The following THBS1 variants were observed in gnomAD, a reference collection of about 807,000 sequenced individuals.
The protein encoded by THBS1 is thrombospondin 1.
A neutral mutation model predicts 126.1 loss-of-function variants in THBS1; 29 were observed. The observed-to-expected ratio is 0.23, with a 90% confidence interval of 0.17 to 0.31. The LOEUF is 0.31. THBS1 is among the 10% of genes least tolerant of loss of function. The probability of loss-of-function intolerance (pLI) is 1.00; values close to 1 mark genes in which losing one functional copy is unlikely to be tolerated. For synonymous variants in THBS1, 496 were observed against 577.8 expected (o/e 0.86, Z 2.03); for missense variants, 1,198 against 1,545.2 (o/e 0.78, Z 3.77).
At position 39,582,595 on chromosome 15, in the gene THBS1, C is replaced by G. The variant is rs1202670205; in HGVS notation, c.470C>G (p.Thr157Ser). The change falls in exon 3 of 22, where the codon ACC becomes AGC. Residue 157 changes from threonine (T) to serine (S), a missense_variant. By Grantham distance (58) the Thr-to-Ser change is moderately conservative. Transcript: ENST00000260356. Reference sequence around the variant, plus strand: ...GCAACCGGCCAGTGGAAGAGCATCACCCTGTTTGTGCAGGAAGACAGGGCC... The same window carrying G: ...GCAACCGGCCAGTGGAAGAGCATCAGCCTGTTTGTGCAGGAAGACAGGGCC... ...LLATGQWKSITLFVQEDRAQL... is the reference protein window; with the variant it reads ...LLATGQWKSISLFVQEDRAQL... 6.2e-7 allele frequency: 1 copy of G among 1,614,126 alleles called. No homozygotes were observed. Among genetic ancestry groups the G allele is most frequent in the South Asian group, 1.1e-5 (1 of 91,088 alleles).
rs771912363 is a variant in THBS1, at chr15:39,589,117, G to A, written c.1773+31G>A. 32 of 1,612,622 alleles carry A rather than the reference G, an allele frequency of 2.0e-5. No homozygotes were observed. Among genetic ancestry groups the A allele is most frequent in the Non-Finnish European group, 2.6e-5 (31 of 1,178,772 alleles). On this transcript the variant is annotated intron_variant, in intron 11 of 21. Coordinates refer to ENST00000260356, the MANE Select transcript of THBS1 (RefSeq NM_003246.4). The surrounding 1 kb of genome is among the most constrained non-coding windows in gnomAD (Gnocchi z 4.7). ...GAACTGATGGGGCTCCGAGTTTCTG[G>A]ATCTAGGAAAGCAGCTAACCTGTGC...
intron 6 of THBS1, among the ~76,000 whole-genome samples, chr15:39,585,113 A>G (rs1890185580): frequency 6.6e-6 from 1 of 152,216 alleles, no homozygotes; most frequent in Non-Finnish European, 1.5e-5. Context: ...AACACATAAT[A>G]TAAAAATGTA....
rs771855048 is a variant in THBS1, at chr15:39,594,295, CT to C, written c.3366-5del. 2.1e-5 allele frequency: 34 copies of C among 1,613,440 alleles called. No homozygotes were observed. Among genetic ancestry groups the C allele is most frequent in the Non-Finnish European group, 2.9e-5 (34 of 1,179,866 alleles). ...TGTCACTAAACAAGATTTTTTTTCC[CT>C]GCAGAGTGGTGATGTATGAAGGGAA... On this transcript the variant is annotated splice_polypyrimidine_tract_variant and splice_region_variant and intron_variant, in intron 20 of 21. Coordinates refer to ENST00000260356, the MANE Select transcript of THBS1 (RefSeq NM_003246.4). This position sits in a 1 kb window ranked among gnomAD's most constrained non-coding sequence, Gnocchi z 4.4.
intron 8 of THBS1, 131 bp from the exon 9 acceptor site, chr15:39,587,911 A>G (rs1271146540): frequency 8.9e-6 from 8 of 897,248 alleles, no homozygotes; most frequent in South Asian, 1.8e-5. Context: ...CCAGGAGCCA[A>G]TTTCTACCGT....
chr15:39,583,871 C>A, intron 4 of THBS1, 117 bp from the exon 5 acceptor site: 1 of 1,323,108 alleles, frequency 7.6e-7, no homozygotes, highest in South Asian at 1.3e-5. Context: ...CGTGCGCATA[C>A]ACGCAACCCC....
In THBS1 at chr15:39,594,032, T is replaced by A; in HGVS notation, c.3268-67T>A. On this transcript the variant is annotated intron_variant, in intron 19 of 21. Coordinates refer to ENST00000260356, the MANE Select transcript of THBS1 (RefSeq NM_003246.4). This position sits in a 1 kb window ranked among gnomAD's most constrained non-coding sequence, Gnocchi z 4.4. ...AGTACCTTTCAAGCATTGTTTCTGA[T>A]GGAATGAAATAGAAATCTTTACCTG... 3 of 1,486,046 alleles carry A rather than the reference T, an allele frequency of 2.0e-6. No individual in the cohort carries two copies. The highest frequency in any genetic ancestry group is 2.8e-6 in the Non-Finnish European group (3 of 1,090,510). The allele number at this position is 1,486,046 out of a possible 1,614,324, so 92.1% of individuals were successfully genotyped here. A position where few individuals can be genotyped will look rare whatever the true frequency, so the allele number is the denominator to read the frequency against.
chr15:39,586,066 C>T (rs753598), intron 7 of THBS1, among the ~76,000 whole-genome samples: 38,093 of 152,046 alleles, frequency 0.25, 7,345 homozygotes, highest in African/African-American at 0.54. Flanking sequence ...GGCACGATAT[C>T]GTTCCATGGC....
chr15:39,593,890 C>G lies in THBS1; in HGVS notation c.3268-209C>G. The G allele has an allele frequency of 6.7e-6, 6 of 895,832 alleles. No individual in the cohort carries two copies. Among genetic ancestry groups the G allele is most frequent in the Non-Finnish European group, 9.9e-6 (6 of 606,544 alleles). 55.5% of individuals were successfully genotyped at this position (895,832 alleles called of 1,614,324 possible). A position where few individuals can be genotyped will look rare whatever the true frequency, so the allele number is the denominator to read the frequency against. On this transcript the variant is annotated intron_variant, in intron 19 of 21. Transcript: ENST00000260356. The surrounding 1 kb of genome is among the most constrained non-coding windows in gnomAD (Gnocchi z 5.9). Reference sequence around the variant, plus strand: ...CTAAGGTGCCTTCAGCCTTTTCAAACAAAAAAACCTCCTTCCCTCCTCTCT... The same window carrying G: ...CTAAGGTGCCTTCAGCCTTTTCAAAGAAAAAAACCTCCTTCCCTCCTCTCT...
chr15:39,588,765 G>A, intron 10 of THBS1, 66 bp downstream of exon 10: 1 of 1,553,630 alleles, frequency 6.4e-7, no homozygotes, highest in South Asian at 1.2e-5. Context: ...GCTGCAGTCA[G>A]CATTCGAGGA....
In THBS1 at chr15:39,591,537, G is replaced by A. The variant is rs143790069; in HGVS notation, c.2446G>A (p.Val816Ile). 4.2e-4 allele frequency: 680 copies of A among 1,614,162 alleles called. 8 individuals carry two copies. In the East Asian group the frequency reaches 0.014, roughly 33 times the overall value. The change falls in exon 16 of 22, where the codon GTC becomes ATC. Residue 816 changes from valine to isoleucine, a missense_variant. Val to Ile is a conservative substitution (Grantham distance 29, BLOSUM62 3). This residue lies in a region of THBS1 where 663 missense variants were observed against 860.1 expected (regional missense o/e 0.77). Transcript: ENST00000260356. ...CAATGAACGGGACAACTGCCAGTAC[G>A]TCTACAATGTGGACCAGAGAGACAC... Reference protein sequence around the residue: ...ILNERDNCQYVYNVDQRDTDM... With the variant: ...ILNERDNCQYIYNVDQRDTDM...
intron 4 of THBS1, 62 bp downstream of exon 4, chr15:39,583,754 C>T (rs905776209): frequency 1.3e-6 from 2 of 1,543,092 alleles, no homozygotes; most frequent in African/African-American, 2.7e-5. Flanking sequence ...CAAAAACAAA[C>T]TGAGGAATTT....
chr15:39,590,670 A>G lies in THBS1; in HGVS notation c.2253+47A>G, dbSNP rs1271309023. On this transcript the variant is annotated intron_variant, in intron 14 of 21. Transcript: ENST00000260356. ...TTTTTCATCTTTTCAGTTCAGCAAC[A>G]GCCTGAAACACTTTGGGATTCAAGG... is the stretch of plus-strand genomic sequence containing the variant. The G allele has an allele frequency of 2.7e-6, 4 of 1,503,548 alleles. No individual in the cohort carries two copies. In the South Asian group the frequency reaches 3.4e-5, roughly 13 times the overall value. The allele number at this position is 1,503,548 out of a possible 1,614,324, so 93.1% of individuals were successfully genotyped here.
Position 39,594,260 on chromosome 15 carries a change from T to A in THBS1, c.3366-41T>A. On this transcript the variant is annotated intron_variant, in intron 20 of 21. Transcript: ENST00000260356. This position sits in a 1 kb window ranked among gnomAD's most constrained non-coding sequence, Gnocchi z 4.4. ...TGAGGGACAAAAAGACAAAAAGTAT[T>A]AAATAGCATTGTCACTAAACAAGAT... 1 of 1,613,956 alleles carries A rather than the reference T, an allele frequency of 6.2e-7. No individual in the cohort carries two copies. The highest frequency in any genetic ancestry group is 8.5e-7 in the Non-Finnish European group (1 of 1,179,918).
rs761029625 is a variant in THBS1, at chr15:39,588,702, G to A, written c.1645+3G>A. 7 of 1,567,040 alleles carry A rather than the reference G, an allele frequency of 4.5e-6. No homozygotes were observed. The highest frequency in any genetic ancestry group is 1.2e-5 in the South Asian group (1 of 82,176). Reference sequence around the variant, plus strand: ...CAACAAGCAGGACTGTCCAATTGGTGAGCCACGCAGCCCAGGATGAAACGA... The same window carrying A: ...CAACAAGCAGGACTGTCCAATTGGTAAGCCACGCAGCCCAGGATGAAACGA... On this transcript the variant is annotated splice_donor_region_variant and intron_variant, in intron 10 of 21. Coordinates refer to ENST00000260356, the MANE Select transcript of THBS1 (RefSeq NM_003246.4).
chr15:39,593,268 C>T lies in THBS1; in HGVS notation c.2995+41C>T. ...TTAGATCCTAAGAGACTGATGCATA[C>T]ATGGGGAAAAACAAATATAAAACCT... On this transcript the variant is annotated intron_variant, in intron 18 of 21. Coordinates refer to ENST00000260356, the MANE Select transcript of THBS1 (RefSeq NM_003246.4). This position sits in a 1 kb window ranked among gnomAD's most constrained non-coding sequence, Gnocchi z 5.9. 1.2e-6 allele frequency: 2 copies of T among 1,610,098 alleles called. No homozygotes were observed. Among genetic ancestry groups the T allele is most frequent in the South Asian group, 1.1e-5 (1 of 91,000 alleles).
intron 6 of THBS1, among the ~76,000 whole-genome samples, chr15:39,585,127 G>C (rs1890185930): frequency 6.6e-6 from 1 of 152,070 alleles, no homozygotes; most frequent in South Asian, 2.1e-4. Context: ...AAATGTAAAA[G>C]TCCTGGCTGA....
intron 3 of THBS1, 77 bp from the exon 4 acceptor site, chr15:39,583,540 G>GCATA (rs1224342626): frequency 8.3e-7 from 1 of 1,211,364 alleles, no homozygotes; most frequent in Non-Finnish European, 1.2e-6. Context: ...GCTTTTCCTA[G>GCATA]CATACAGACA....
rs41338344 is a variant in THBS1 at position 39,588,617 on chromosome 15, C to T, written c.1563C>T (p.Asn521=). Reference sequence around the variant, plus strand: ...AGAAACGTAGTCGTCTCTGCAACAACCCCACACCCCAGTTTGGAGGCAAGG... The same window carrying T: ...AGAAACGTAGTCGTCTCTGCAACAATCCCACACCCCAGTTTGGAGGCAAGG... The part of the protein sequence containing the change: ...GVQKRSRLCN[N]PTPQFGGKDC... Residue 521 remains asparagine (N), a synonymous_variant, in exon 10 of 22, where the codon AAC becomes AAT. Transcript: ENST00000260356. The T allele has an allele frequency of 0.029, 47,255 of 1,611,476 alleles. 790 individuals are homozygous for T. The highest frequency in any genetic ancestry group is 0.034 in the Non-Finnish European group (39,914 of 1,178,966).
At chr15:39,584,504 C>G in intron 6 of THBS1, 82 bp downstream of exon 6, 1 of 1,553,052 alleles carries the variant, frequency 6.4e-7, no homozygotes, top group Non-Finnish European at 8.7e-7. Context: ...CTAATCGCCA[C>G]AGAGATTCTT....
Sources: allele counts gnomAD v4.1 joint callset (sites outside exome capture counted in the v4.1 genomes callset), GRCh38; gene constraint gnomAD v4.1.1; regional missense constraint gnomAD v4.1.1; non-coding constraint Gnocchi (gnomAD v3.1); transcripts MANE v1.5; gene names NCBI Gene and HGNC (gene_info 2026-07-23, HGNC 2026-07-21).